Variants in NTRK2 observed in about 807,000 individuals in gnomAD.
NTRK2 encodes the protein BDNF/NT-3 growth factors receptor.
A neutral mutation model predicts 94.5 loss-of-function variants in NTRK2; 13 were observed. That is an observed-to-expected ratio of 0.14 (90% CI 0.09 to 0.22). The LOEUF (loss-of-function observed/expected upper bound fraction) is 0.22, where lower values mean the gene tolerates loss of function less well. Among genes scored for constraint, NTRK2 ranks in the 10% least tolerant of loss-of-function variants. The probability of loss-of-function intolerance (pLI) is 1.00; values close to 1 mark genes in which losing one functional copy is unlikely to be tolerated. For synonymous variants in NTRK2, 372 were observed against 407.4 expected (o/e 0.91, Z 1.05); for missense variants, 639 against 1,071.2 (o/e 0.60, Z 5.63).
intron 8 of NTRK2, 77 bp from the exon 9 acceptor site, chr9:84,727,577 A>G (rs2062555079): frequency 2.8e-6 from 4 of 1,407,492 alleles, no homozygotes; most frequent in Non-Finnish European, 4.0e-6. Flanking sequence ...AAAATTCCCT[A>G]TCAATGACAC....
At chr9:84,875,299 T>C in intron 14 of NTRK2, 1 of 1,059,112 alleles carries the variant, frequency 9.4e-7, no homozygotes, top group East Asian at 5.2e-5. Context: ...TCCTTGGAGA[T>C]GTGCAGGGGT....
intron 14 of NTRK2, among the ~76,000 whole-genome samples, chr9:84,906,558 T>G (rs1184597013): frequency 6.6e-6 from 1 of 152,092 alleles, no homozygotes; most frequent in East Asian, 1.9e-4. Flanking sequence ...AACACTTGAT[T>G]TGGTTCTTCC....
chr9:84,968,000 C>A (rs144876478), intron 17 of NTRK2, among the ~76,000 whole-genome samples: 38 of 152,282 alleles, frequency 2.5e-4, no homozygotes, highest in African/African-American at 9.1e-4. Context: ...GGAACAACGA[C>A]CTTAGAAGAC....
chr9:84,938,368 C>T (rs1281790105), intron 15 of NTRK2, among the ~76,000 whole-genome samples: 2 of 152,124 alleles, frequency 1.3e-5, no homozygotes, highest in East Asian at 1.9e-4. Flanking sequence ...TCGGGATGGC[C>T]CCTACCCAGC....
At chr9:84,771,322 T>C (rs949985442) in intron 12 of NTRK2, among the ~76,000 whole-genome samples, 2 of 152,188 alleles carry the variant, frequency 1.3e-5, no homozygotes, top group Non-Finnish European at 2.9e-5. Context: ...GTTTAGAAAA[T>C]GACTTCCTCG....
chr9:84,741,759 C>G, intron 9 of NTRK2, 133 bp from the exon 10 acceptor site: 1 of 721,516 alleles, frequency 1.4e-6, no homozygotes, highest in African/African-American at 1.8e-5. Context: ...GTTTTGTTTA[C>G]CTGTCCTGTG....
rs1275446078 is a variant in NTRK2 at position 85,023,821 on chromosome 9, TG to T, written c.*2386del. 1 of 229,848 alleles carries T rather than the reference TG, an allele frequency of 4.4e-6. No homozygotes were observed. The highest frequency in any genetic ancestry group is 2.2e-5 in the African/African-American group (1 of 45,110). 14.2% of individuals were successfully genotyped at this position (229,848 alleles called of 1,614,324 possible). On this transcript the variant is annotated 3_prime_UTR_variant, in exon 19 of 19. Coordinates refer to ENST00000277120, the MANE Select transcript of NTRK2 (RefSeq NM_006180.6). ...ACACAGGTTTGTCACGCTGCATGTC[TG>T]GCCAGCTAATCTCGGGGGAAAAGCT...
At chr9:84,706,821 C>T (rs2061131668) in intron 4 of NTRK2, among the ~76,000 whole-genome samples, 1 of 152,056 alleles carries the variant, frequency 6.6e-6, no homozygotes, top group African/African-American at 2.4e-5. Flanking sequence ...TGAGCCACCG[C>T]ACCTGGCCAG....
chr9:84,941,308 A>G (rs1469694610), intron 15 of NTRK2, among the ~76,000 whole-genome samples: 1 of 152,196 alleles, frequency 6.6e-6, no homozygotes, highest in African/African-American at 2.4e-5. Flanking sequence ...ATAGGCCCCA[A>G]TTATTAAGTT....
intron 12 of NTRK2, among the ~76,000 whole-genome samples, chr9:84,819,685 C>T (rs1438157865): frequency 1.3e-5 from 2 of 152,216 alleles, no homozygotes; most frequent in South Asian, 2.1e-4. Context: ...CCTGTGGAGG[C>T]GCCAGCCTTA....
At chr9:84,888,975 G>T (rs2076506606) in intron 14 of NTRK2, among the ~76,000 whole-genome samples, 1 of 116,388 alleles carries the variant, frequency 8.6e-6, no homozygotes, top group Admixed American at 8.9e-5. Context: ...ATTTATTAAT[G>T]ACAGAAATTT....
At chr9:84,978,992 C>A (rs1416398020) in intron 17 of NTRK2, among the ~76,000 whole-genome samples, 6 of 152,168 alleles carry the variant, frequency 3.9e-5, no homozygotes, top group Non-Finnish European at 8.8e-5. Context: ...AAAAAGATTC[C>A]TTTCAAAATG....
In NTRK2 at chr9:84,916,799, T is replaced by C. The variant is rs546941361; in HGVS notation, c.1634-17363T>C. Among the ~76,000 whole-genome samples, 23 of 152,376 alleles carry C rather than the reference T, an allele frequency of 1.5e-4. 1 individual carries two copies. In the South Asian group the frequency reaches 4.3e-3, roughly 29 times the overall value. On this transcript the variant is annotated intron_variant, in intron 14 of 18. Transcript: ENST00000277120. Reference sequence around the variant, plus strand: ...TAAGATCCTAGGCTTAGCTGATCTATATTGTTAATTCCTGAAGATTTCAAG... The same window carrying C: ...TAAGATCCTAGGCTTAGCTGATCTACATTGTTAATTCCTGAAGATTTCAAG...
chr9:84,926,152 TC>T (rs2077776761), intron 14 of NTRK2, among the ~76,000 whole-genome samples: 6 of 94,056 alleles, frequency 6.4e-5, no homozygotes, highest in African/African-American at 2.2e-4. Flanking sequence ...CTTCCTTCCT[TC>T]CTTCCTTCCT....
At chr9:85,018,419 C>T (rs1832470180) in intron 17 of NTRK2, among the ~76,000 whole-genome samples, 2 of 152,214 alleles carry the variant, frequency 1.3e-5, no homozygotes, top group Admixed American at 6.5e-5. Flanking sequence ...GTCATTTGCC[C>T]ACCTCTGCAA....
intron 9 of NTRK2, among the ~76,000 whole-genome samples, chr9:84,732,366 C>T (rs2062950856): frequency 6.6e-6 from 1 of 152,258 alleles, no homozygotes; most frequent in East Asian, 1.9e-4. Context: ...ATTCCTGGGG[C>T]CTAGCTTTAG....
Position 84,866,511 on chromosome 9 carries a change from T to C in NTRK2, c.1445-732T>C, listed in dbSNP as rs140175551. The stretch of plus-strand genomic sequence containing the variant: ...GTGAAATAGGGATCCCAGATTCATG[T>C]TGACAGTTTCAATGACAGAGTGTTC... On this transcript the variant is annotated intron_variant, in intron 13 of 18. Transcript: ENST00000277120. Among the ~76,000 whole-genome samples, 422 of 152,284 alleles carry C rather than the reference T, an allele frequency of 2.8e-3. 1 individual carries two copies. The highest frequency in any genetic ancestry group is 9.7e-3 in the African/African-American group (404 of 41,544).
At chr9:84,746,632 C>T (rs746957956) in intron 11 of NTRK2, among the ~76,000 whole-genome samples, 6 of 152,196 alleles carry the variant, frequency 3.9e-5, no homozygotes, top group South Asian at 2.1e-4. Context: ...TGGGTGACCT[C>T]GTCCTTCCCG....
At position 84,982,289 on chromosome 9, in the gene NTRK2, G is replaced by T. The variant is rs139689683; in HGVS notation, c.2172+26772G>T. 3.3e-5 allele frequency among the ~76,000 whole-genome samples: 5 copies of T among 152,290 alleles called. No homozygotes were observed. The East Asian group carries it at 9.6e-4, about 29-fold the overall frequency. Reference sequence around the variant, plus strand: ...AGCTATTAATGACTGAGAATGAGCCGAGGAGGATTAAGCAGGAATTTTTCT... The same window carrying T: ...AGCTATTAATGACTGAGAATGAGCCTAGGAGGATTAAGCAGGAATTTTTCT... On this transcript the variant is annotated intron_variant, in intron 17 of 18. Transcript: ENST00000277120.
Sources: allele counts gnomAD v4.1 joint callset (sites outside exome capture counted in the v4.1 genomes callset), GRCh38; gene constraint gnomAD v4.1.1; transcripts MANE v1.5; gene names NCBI Gene and HGNC (gene_info 2026-07-23, HGNC 2026-07-21).